The following KCNQ1 variants were observed in gnomAD, a reference collection of about 807,000 sequenced individuals.
KCNQ1 encodes potassium voltage-gated channel subfamily KQT member 1.
Under a neutral mutation model 72.4 loss-of-function variants are expected in KCNQ1, and 49 were observed. The ratio of observed to expected loss-of-function variants is 0.68; its 90% CI spans 0.54 to 0.86. The LOEUF (loss-of-function observed/expected upper bound fraction) is 0.86, where lower values mean the gene tolerates loss of function less well. Among genes scored for constraint, KCNQ1 ranks in the 40% least tolerant of loss-of-function variants. The pLI, the probability that KCNQ1 is intolerant of heterozygous loss-of-function variation, is 0.00. For missense variants in KCNQ1, 790 were observed against 945.1 expected (o/e 0.84, Z 2.15); for synonymous variants, 450 against 412.6 (o/e 1.09, Z -1.10).
At position 2,624,760 on chromosome 11, in the gene KCNQ1, C is replaced by G; in HGVS notation, c.1393+35906C>G. 1 of 398,524 alleles carries G rather than the reference C, an allele frequency of 2.5e-6. No homozygotes were observed. The highest frequency in any genetic ancestry group is 4.4e-6 in the Non-Finnish European group (1 of 226,040). The allele number at this position is 398,524 out of a possible 1,614,324, so 24.7% of individuals were successfully genotyped here. ...TCCCCAACCCCCCCACCACCGCCAT[C>G]TCTTGGAAACCACCTTGTACTTTCT... On this transcript the variant is annotated intron_variant, in intron 10 of 15. Coordinates refer to ENST00000155840, the MANE Select transcript of KCNQ1 (RefSeq NM_000218.3). This position sits in a 1 kb window ranked among gnomAD's most constrained non-coding sequence, Gnocchi z 4.9.
chr11:2,760,513 C>T (rs1371383541), intron 11 of KCNQ1, among the ~76,000 whole-genome samples: 1 of 152,220 alleles, frequency 6.6e-6, no homozygotes, highest in Non-Finnish European at 1.5e-5. Flanking sequence ...CGCTGGGCAG[C>T]ACGTCCCTTC....
rs899058618 is a variant in KCNQ1, at chr11:2,483,438, C to T, written c.386+37954C>T. 3.3e-5 allele frequency among the ~76,000 whole-genome samples: 5 copies of T among 152,204 alleles called. No homozygotes were observed. The highest frequency in any genetic ancestry group is 7.2e-5 in the African/African-American group (3 of 41,522). ...CCAAAACCGACACCTGATACATTACCGTGAACTCAACTGCAGATCTGATTC... is the reference window on the plus strand; with the variant it reads ...CCAAAACCGACACCTGATACATTACTGTGAACTCAACTGCAGATCTGATTC... On this transcript the variant is annotated intron_variant, in intron 1 of 15. Transcript: ENST00000155840. This position sits in a 1 kb window ranked among gnomAD's most constrained non-coding sequence, Gnocchi z 6.1.
rs1350958004 is a variant in KCNQ1, at chr11:2,564,782, C to G, written c.478-5846C>G. Among the ~76,000 whole-genome samples, 3 of 152,200 alleles carry G rather than the reference C, an allele frequency of 2.0e-5. No individual in the cohort carries two copies. The highest frequency in any genetic ancestry group is 4.4e-5 in the Non-Finnish European group (3 of 68,038). On this transcript the variant is annotated intron_variant, in intron 2 of 15. Transcript: ENST00000155840. This position sits in a 1 kb window ranked among gnomAD's most constrained non-coding sequence, Gnocchi z 4.5. ...GCCCCTGGCGCCCATCATCTACTTTCTACCTCTGTGAATCTGATGACTGTA... is the reference window on the plus strand; with the variant it reads ...GCCCCTGGCGCCCATCATCTACTTTGTACCTCTGTGAATCTGATGACTGTA...
In KCNQ1 at chr11:2,623,967, C is replaced by A. The variant is rs1180827212; in HGVS notation, c.1393+35113C>A. 1.0e-5 allele frequency: 4 copies of A among 398,520 alleles called. No homozygotes were observed. Among genetic ancestry groups the A allele is most frequent in the Admixed American group, 8.8e-5 (2 of 22,714 alleles). The allele number at this position is 398,520 out of a possible 1,614,324, so 24.7% of individuals were successfully genotyped here. A position where few individuals can be genotyped will look rare whatever the true frequency, so the allele number is the denominator to read the frequency against. On this transcript the variant is annotated intron_variant, in intron 10 of 15. Transcript: ENST00000155840. This position sits in a 1 kb window ranked among gnomAD's most constrained non-coding sequence, Gnocchi z 5.2. Reference sequence around the variant, plus strand: ...ACCACCAAACTCTTCTCCACCAGGGCTGCACCACTTTACATTCCCATTAAT... The same window carrying A: ...ACCACCAAACTCTTCTCCACCAGGGATGCACCACTTTACATTCCCATTAAT...
chr11:2,538,141 A>G lies in KCNQ1; in HGVS notation c.477+10123A>G, dbSNP rs1474160386. 1.3e-5 allele frequency among the ~76,000 whole-genome samples: 2 copies of G among 152,198 alleles called. No homozygotes were observed. The highest frequency in any genetic ancestry group is 2.9e-5 in the Non-Finnish European group (2 of 68,040). On this transcript the variant is annotated intron_variant, in intron 2 of 15. Coordinates refer to ENST00000155840, the MANE Select transcript of KCNQ1 (RefSeq NM_000218.3). The surrounding 1 kb of genome is among the most constrained non-coding windows in gnomAD (Gnocchi z 6.7). Reference sequence around the variant, plus strand: ...AACTTAGCCAGGGTGTCCGACTCTCAGGACACCGCTGTCCATTTCACAGCC... The same window carrying G: ...AACTTAGCCAGGGTGTCCGACTCTCGGGACACCGCTGTCCATTTCACAGCC...
At chr11:2,520,054 C>G (rs1847354965) in intron 1 of KCNQ1, among the ~76,000 whole-genome samples, 1 of 152,252 alleles carries the variant, frequency 6.6e-6, no homozygotes, top group African/African-American at 2.4e-5. Context: ...CCCCCACCCC[C>G]CAGGATGACG....
In KCNQ1 at chr11:2,752,960, G is replaced by T. The variant is rs1036807129; in HGVS notation, c.1515-15884G>T. Among the ~76,000 whole-genome samples the T allele has an allele frequency of 1.3e-5, 2 of 152,136 alleles. No homozygotes were observed. The highest frequency in any genetic ancestry group is 4.8e-5 in the African/African-American group (2 of 41,426). On this transcript the variant is annotated intron_variant, in intron 11 of 15. Coordinates refer to ENST00000155840, the MANE Select transcript of KCNQ1 (RefSeq NM_000218.3). The surrounding 1 kb of genome is among the most constrained non-coding windows in gnomAD (Gnocchi z 5.2). ...CTGCCCTGGCTGGTCTGGGCTTGAG[G>T]ACCAGCACGGGATCGTTCTCCTCTG...
chr11:2,620,123 G>C lies in KCNQ1; in HGVS notation c.1393+31269G>C. ...GGTAACATGCAGTATTTGGTTTTCT[G>C]TTCCTGCATTAATTTGCTTAAGATA... On this transcript the variant is annotated intron_variant, in intron 10 of 15. Coordinates refer to ENST00000155840, the MANE Select transcript of KCNQ1 (RefSeq NM_000218.3). This position sits in a 1 kb window ranked among gnomAD's most constrained non-coding sequence, Gnocchi z 4.5. 1 of 397,818 alleles carries C rather than the reference G, an allele frequency of 2.5e-6. No homozygotes were observed. Among genetic ancestry groups the C allele is most frequent in the Non-Finnish European group, 4.4e-6 (1 of 225,954 alleles). The allele number at this position is 397,818 out of a possible 1,614,324, so 24.6% of individuals were successfully genotyped here. A position where few individuals can be genotyped will look rare whatever the true frequency, so the allele number is the denominator to read the frequency against.
At chr11:2,662,268 C>T (rs1849973649) in intron 11 of KCNQ1, 187 bp downstream of exon 11, 3 of 658,058 alleles carry the variant, frequency 4.6e-6, no homozygotes, top group South Asian at 1.9e-5. Context: ...GGGCACTTCC[C>T]ACTGAGCCTG....
At position 2,526,957 on chromosome 11, in the gene KCNQ1, C is replaced by T. The variant is rs527842244; in HGVS notation, c.387-971C>T. On this transcript the variant is annotated intron_variant, in intron 1 of 15. Transcript: ENST00000155840. The surrounding 1 kb of genome is among the most constrained non-coding windows in gnomAD (Gnocchi z 6.1). ...GCCATGTGGCCATCTCCTGGCTCTC[C>T]GGTCGCTGAGGATCCACGGGGGTCC... 6.6e-6 allele frequency among the ~76,000 whole-genome samples: 1 copy of T among 152,222 alleles called. No individual in the cohort carries two copies. Among genetic ancestry groups the T allele is most frequent in the East Asian group, 1.9e-4 (1 of 5,160 alleles).
At position 2,642,851 on chromosome 11, in the gene KCNQ1, G is replaced by C; in HGVS notation, c.1394-19110G>C. 2 of 397,772 alleles carry C rather than the reference G, an allele frequency of 5.0e-6. No individual in the cohort carries two copies. The highest frequency in any genetic ancestry group is 2.1e-5 in the African/African-American group (1 of 48,696). The allele number at this position is 397,772 out of a possible 1,614,324, so 24.6% of individuals were successfully genotyped here. On this transcript the variant is annotated intron_variant, in intron 10 of 15. Coordinates refer to ENST00000155840, the MANE Select transcript of KCNQ1 (RefSeq NM_000218.3). This position sits in a 1 kb window ranked among gnomAD's most constrained non-coding sequence, Gnocchi z 4.3. ...CTTTTGCAGTATCCCTTAAGTTTCAGAATGTTGTGCTTCTATTTTCACTTG... is the reference window on the plus strand; with the variant it reads ...CTTTTGCAGTATCCCTTAAGTTTCACAATGTTGTGCTTCTATTTTCACTTG...
At chr11:2,780,528 G>GCTGC (rs1439190950) in intron 15 of KCNQ1, among the ~76,000 whole-genome samples, 1 of 152,186 alleles carries the variant, frequency 6.6e-6, no homozygotes, top group Non-Finnish European at 1.5e-5. Flanking sequence ...CGCTGGTCTG[G>GCTGC]CTGCCTGCCG....
Position 2,673,718 on chromosome 11 carries a change from T to C in KCNQ1, c.1514+11637T>C, listed in dbSNP as rs1850231757. 2.5e-6 allele frequency: 1 copy of C among 398,548 alleles called. No homozygotes were observed. Among genetic ancestry groups the C allele is most frequent in the East Asian group, 3.6e-5 (1 of 27,942 alleles). 24.7% of individuals were successfully genotyped at this position (398,548 alleles called of 1,614,324 possible). A position where few individuals can be genotyped will look rare whatever the true frequency, so the allele number is the denominator to read the frequency against. ...CCTGAGGTTGCTGAATCTCAGGGCT[T>C]GGAAGGCCCAGACTGGACAGGGGAA... On this transcript the variant is annotated intron_variant, in intron 11 of 15. Coordinates refer to ENST00000155840, the MANE Select transcript of KCNQ1 (RefSeq NM_000218.3). The surrounding 1 kb of genome is among the most constrained non-coding windows in gnomAD (Gnocchi z 4.5).
rs969783262 is a variant in KCNQ1 at position 2,624,921 on chromosome 11, A to G, written c.1393+36067A>G. The G allele has an allele frequency of 2.5e-6, 1 of 398,048 alleles. No individual in the cohort carries two copies. The highest frequency in any genetic ancestry group is 2.1e-5 in the African/African-American group (1 of 48,490). The allele number at this position is 398,048 out of a possible 1,614,324, so 24.7% of individuals were successfully genotyped here. ...TGTTGTGGCATGTGTCAAAATTTCT[A>G]TTTTTTTTAAAGCTGAATAATATTA... On this transcript the variant is annotated intron_variant, in intron 10 of 15. Transcript: ENST00000155840. The surrounding 1 kb of genome is among the most constrained non-coding windows in gnomAD (Gnocchi z 4.9).
At chr11:2,641,319 A>G (rs1849573051) in intron 10 of KCNQ1, 1 of 398,254 alleles carries the variant, frequency 2.5e-6, no homozygotes, top group Non-Finnish European at 4.4e-6. Flanking sequence ...AGCATTGGTT[A>G]ATTTTTGTCT....
chr11:2,635,202 AATT>A (rs1408135119), intron 10 of KCNQ1: 2 of 152,114 alleles, frequency 1.3e-5, no homozygotes, highest in Non-Finnish European at 2.9e-5. Flanking sequence ...CCCATTTGTC[AATT>A]TTGGCTTTTG....
At chr11:2,700,275 C>G (rs1850781961) in intron 11 of KCNQ1, among the ~76,000 whole-genome samples, 1 of 152,124 alleles carries the variant, frequency 6.6e-6, no homozygotes, top group Non-Finnish European at 1.5e-5. Flanking sequence ...CACCCGTCGT[C>G]CCTGAGCACC....
intron 8 of KCNQ1, among the ~76,000 whole-genome samples, chr11:2,587,000 C>G (rs910327288): frequency 6.6e-6 from 1 of 152,136 alleles, no homozygotes; most frequent in African/African-American, 2.4e-5. Context: ...CTCTGAAATG[C>G]TGGCTTCAGA....
chr11:2,643,205 T>C, intron 10 of KCNQ1: 4 of 398,306 alleles, frequency 1.0e-5, no homozygotes, highest in East Asian at 3.6e-5. Context: ...TTAAATCCAA[T>C]GTTTCTTTGT....
Sources: gnomAD v4.1 joint callset for allele counts (sites outside exome capture counted in the v4.1 genomes callset) on GRCh38, gnomAD v4.1.1 for gene constraint, Gnocchi (gnomAD v3.1) non-coding constraint, MANE v1.5 for transcripts, NCBI Gene and HGNC (gene_info 2026-07-23, HGNC 2026-07-21) for gene names.